STX8: variants seen among roughly 807,000 people sequenced by gnomAD.
STX8 encodes the protein syntaxin 8, also known as syntaxin-8.
Under a neutral mutation model 37.5 loss-of-function variants are expected in STX8, and 23 were observed. That is an observed-to-expected ratio of 0.61 (90% CI 0.44 to 0.87). STX8 has a LOEUF of 0.87. Among genes scored for constraint, STX8 ranks in the 40% least tolerant of loss-of-function variants. The pLI is 0.00. For synonymous variants in STX8, 115 were observed against 99.1 expected, an observed-to-expected ratio of 1.16 and a Z score of -0.95; for missense variants, 313 against 284.7, an observed-to-expected ratio of 1.10 and a Z score of -0.71.
chr17:9,465,992 TGGAGTCTCGCTCTTGTTGCCCA>T (rs1326742505), intron 6 of STX8, among the ~76,000 whole-genome samples: 2 of 151,958 alleles, frequency 1.3e-5, no homozygotes, highest in Non-Finnish European at 2.9e-5. Flanking sequence ...TTTTTTCAGA[TGGAGTCTCGCTCTTGTTGCCCA>T]GGCTGGAGTG....
At chr17:9,397,126 G>A (rs1467192245) in intron 6 of STX8, among the ~76,000 whole-genome samples, 18 of 152,196 alleles carry the variant, frequency 1.2e-4, no homozygotes, top group East Asian at 1.2e-3. Context: ...GGCTGGGCGC[G>A]GTGGCCCACG....
At chr17:9,547,753 T>C (rs913398349) in intron 3 of STX8, among the ~76,000 whole-genome samples, 4 of 151,282 alleles carry the variant, frequency 2.6e-5, no homozygotes, top group Non-Finnish European at 5.9e-5. Flanking sequence ...CCAGACACTC[T>C]CATACATTCT....
chr17:9,322,175 G>A (rs1345366545), intron 7 of STX8, among the ~76,000 whole-genome samples: 1 of 152,238 alleles, frequency 6.6e-6, no homozygotes, highest in Non-Finnish European at 1.5e-5. Context: ...CACAGGGCAT[G>A]ATGTGAAGGA....
chr17:9,512,386 T>A (rs1012320204), intron 4 of STX8, among the ~76,000 whole-genome samples: 2 of 151,838 alleles, frequency 1.3e-5, no homozygotes, highest in African/African-American at 4.8e-5. Context: ...TTTATGATAC[T>A]GACATAAAAA....
chr17:9,290,290 G>C (rs899889615), intron 7 of STX8, among the ~76,000 whole-genome samples: 3 of 147,092 alleles, frequency 2.0e-5, no homozygotes, highest in Non-Finnish European at 4.5e-5. Flanking sequence ...ATCACCAGGT[G>C]AAAGTCTATG....
intron 5 of STX8, among the ~76,000 whole-genome samples, chr17:9,499,941 C>T (rs1227207377): frequency 1.3e-5 from 2 of 152,150 alleles, no homozygotes; most frequent in Admixed American, 6.5e-5. Flanking sequence ...ATACTCTTCC[C>T]GACTGAAAAC....
At chr17:9,416,076 C>G (rs1913181475) in intron 6 of STX8, among the ~76,000 whole-genome samples, 1 of 152,216 alleles carries the variant, frequency 6.6e-6, no homozygotes, top group Non-Finnish European at 1.5e-5. Context: ...TCCCTATCTC[C>G]AAGTGTCTCC....
At chr17:9,484,659 T>C (rs1241104572) in intron 6 of STX8, among the ~76,000 whole-genome samples, 1 of 36,256 alleles carries the variant, frequency 2.8e-5, no homozygotes, top group African/African-American at 1.2e-4. Context: ...CTACTAAAAA[T>C]ACAAAAAAAA....
intron 6 of STX8, chr17:9,469,123 TAGG>T (rs1424466601): frequency 6.6e-6 from 1 of 152,162 alleles, no homozygotes; most frequent in African/African-American, 2.4e-5. Flanking sequence ...AAGCTCAACC[TAGG>T]AGAAGGCTGG....
chr17:9,304,665 A>G (rs937317393), intron 7 of STX8, among the ~76,000 whole-genome samples: 4 of 152,126 alleles, frequency 2.6e-5, no homozygotes, highest in Non-Finnish European at 5.9e-5. Flanking sequence ...ACAATGAAAT[A>G]ATATTTTTTC....
At chr17:9,340,993 TTATAAATTA>T (rs1393298302) in intron 7 of STX8, among the ~76,000 whole-genome samples, 1 of 146,448 alleles carries the variant, frequency 6.8e-6, no homozygotes, top group Non-Finnish European at 1.5e-5. Flanking sequence ...AAATTATAAA[TTATAAATTA>T]TATATATAAA....
At chr17:9,267,539 A>G (rs1255278565) in intron 7 of STX8, among the ~76,000 whole-genome samples, 5 of 152,220 alleles carry the variant, frequency 3.3e-5, no homozygotes, top group Admixed American at 2.6e-4. Flanking sequence ...GCCTCCTGCC[A>G]TCGGGCGCAA....
intron 7 of STX8, among the ~76,000 whole-genome samples, chr17:9,353,977 TTCC>T (rs1910796285): frequency 6.6e-6 from 1 of 152,200 alleles, no homozygotes; most frequent in Non-Finnish European, 1.5e-5. Context: ...CCTTCTGACT[TTCC>T]TCCTCATCAA....
At chr17:9,345,180 T>C (rs1264598618) in intron 7 of STX8, among the ~76,000 whole-genome samples, 1 of 152,020 alleles carries the variant, frequency 6.6e-6, no homozygotes, top group African/African-American at 2.4e-5. Context: ...GATGGAGTTT[T>C]GCTCTTGTCA....
chr17:9,349,411 C>T lies in STX8; in HGVS notation c.643+29141G>A, dbSNP rs551748904. ...TCTCGCCTCACTGTAACCTCCGCCT[C>T]CTGGGTTCAAGTGATTCTCCTGCCT... On this transcript the variant is annotated intron_variant, in intron 7 of 7. Transcript: ENST00000306357. Among the ~76,000 whole-genome samples, 3 of 145,568 alleles carry T rather than the reference C, an allele frequency of 2.1e-5. No individual in the cohort carries two copies. In the South Asian group the frequency reaches 6.6e-4, roughly 32 times the overall value.
At chr17:9,371,243 T>C (rs1432740741) in intron 7 of STX8, among the ~76,000 whole-genome samples, 1 of 152,152 alleles carries the variant, frequency 6.6e-6, no homozygotes, top group Admixed American at 6.6e-5. Flanking sequence ...CAAAAGGCCA[T>C]TTCATGATTC....
intron 7 of STX8, among the ~76,000 whole-genome samples, chr17:9,255,298 G>A (rs1181596473): frequency 4.5e-5 from 5 of 110,220 alleles, no homozygotes; most frequent in Non-Finnish European, 1.1e-4. Context: ...AGGCCAAGGC[G>A]GGCGGATCAT....
At chr17:9,288,484 A>AC (rs1246689838) in intron 7 of STX8, among the ~76,000 whole-genome samples, 1 of 151,406 alleles carries the variant, frequency 6.6e-6, no homozygotes, top group African/African-American at 2.4e-5. Flanking sequence ...ACGCGGTGAA[A>AC]CCCCGTCTCT....
At chr17:9,387,630 T>C (rs1210349868) in intron 6 of STX8, among the ~76,000 whole-genome samples, 2 of 152,198 alleles carry the variant, frequency 1.3e-5, no homozygotes, top group Non-Finnish European at 2.9e-5. Flanking sequence ...CCTCATTCTC[T>C]ATCAAGACAG....
Sources: allele counts gnomAD v4.1 joint callset (sites outside exome capture counted in the v4.1 genomes callset), GRCh38; gene constraint gnomAD v4.1.1; transcripts MANE v1.5; gene names NCBI Gene and HGNC (gene_info 2026-07-23, HGNC 2026-07-21).